Variants in OSBPL3 observed in about 807,000 individuals in gnomAD.
OSBPL3 encodes the protein oxysterol-binding protein-related protein 3.
Under a neutral mutation model 120.1 loss-of-function variants are expected in OSBPL3, and 65 were observed. The observed-to-expected ratio is 0.54, with a 90% CI of 0.44 to 0.67. The LOEUF is 0.67. Among genes scored for constraint, OSBPL3 ranks in the 30% least tolerant of loss-of-function variants. OSBPL3 has a pLI of 0.00. For missense variants in OSBPL3, 1,004 were observed against 1,082.1 expected (o/e 0.93, Z 1.01); for synonymous variants, 416 against 402.6 (o/e 1.03, Z -0.40).
chr7:24,963,752 C>T (rs1045616395), intron 1 of OSBPL3, among the ~76,000 whole-genome samples: 7 of 152,192 alleles, frequency 4.6e-5, no homozygotes, highest in Non-Finnish European at 8.8e-5. Flanking sequence ...TGTCTATTTT[C>T]TTATCTTTAA....
In OSBPL3 at chr7:24,877,976, GCTT is replaced by G. The variant is rs113074915; in HGVS notation, c.97-5910_97-5908del. Among the ~76,000 whole-genome samples the G allele has an allele frequency of 2.4e-3, 370 of 152,280 alleles. No homozygotes were observed. Among genetic ancestry groups the G allele is most frequent in the African/African-American group, 8.6e-3 (357 of 41,554 alleles). ...AACATGGGAGGGGTTGGGGGATGTG[GCTT>G]CTTAAGGTTTTTGCATGAGTTTCAC... On this transcript the variant is annotated intron_variant, in intron 2 of 22. Coordinates refer to ENST00000313367, the MANE Select transcript of OSBPL3 (RefSeq NM_015550.4). The surrounding 1 kb of genome is among the most constrained non-coding windows in gnomAD (Gnocchi z 4.8).
chr7:24,840,769 G>C lies in OSBPL3; in HGVS notation c.1416C>G (p.Asp472Glu). 1 of 1,414,358 alleles carries C rather than the reference G, an allele frequency of 7.1e-7. No individual in the cohort carries two copies. The highest frequency in any genetic ancestry group is 9.8e-7 in the Non-Finnish European group (1 of 1,023,280). 87.6% of individuals were successfully genotyped at this position (1,414,358 alleles called of 1,614,324 possible). A position where few individuals can be genotyped will look rare whatever the true frequency, so the allele number is the denominator to read the frequency against. ...SSSENEISDD[D>E]SYVSDISDNL... is the part of the protein sequence containing the mutation. ...TATCACTTATGTCACTGACATATGA[G>C]TCATCATCAGAAATCTATGGGAAAG... The change falls in exon 14 of 23, where the codon GAC (aspartate) becomes GAG (glutamate). Residue 472 changes from aspartate to glutamate, a missense_variant. Asp to Glu is a conservative substitution (Grantham distance 45). Coordinates refer to ENST00000313367, the MANE Select transcript of OSBPL3 (RefSeq NM_015550.4).
At position 24,824,311 on chromosome 7, in the gene OSBPL3, T is replaced by G. The variant is rs1223960353; in HGVS notation, c.1885-4073A>C. On this transcript the variant is annotated intron_variant, in intron 16 of 22. Transcript: ENST00000313367. The surrounding 1 kb of genome is among the most constrained non-coding windows in gnomAD (Gnocchi z 4.9). ...CCTTTCTTTACCTTGACCTAATCAT[T>G]TTTAATTTATGCTTTGAATGCACTT... Among the ~76,000 whole-genome samples, 1 of 152,228 alleles carries G rather than the reference T, an allele frequency of 6.6e-6. No individual in the cohort carries two copies. The highest frequency in any genetic ancestry group is 2.4e-5 in the African/African-American group (1 of 41,454).
intron 17 of OSBPL3, 106 bp from the exon 18 acceptor site, chr7:24,816,794 C>A: frequency 1.3e-6 from 1 of 745,522 alleles, no homozygotes; most frequent in South Asian, 1.6e-5. Context: ...AACCTCTTCA[C>A]AATCAAGTCA....
chr7:24,948,685 G>C (rs910799596), intron 1 of OSBPL3, among the ~76,000 whole-genome samples: 1 of 152,008 alleles, frequency 6.6e-6, no homozygotes, highest in Admixed American at 6.5e-5. Flanking sequence ...TCTTTACTTG[G>C]TATTTGTCTA....
In OSBPL3 at chr7:24,911,848, AAG is replaced by A. The variant is rs1808869618; in HGVS notation, c.-149-19229_-149-19228del. 2.0e-5 allele frequency among the ~76,000 whole-genome samples: 3 copies of A among 152,346 alleles called. No individual in the cohort carries two copies. In the South Asian group the frequency reaches 6.2e-4, roughly 32 times the overall value. On this transcript the variant is annotated intron_variant, in intron 1 of 22. Coordinates refer to ENST00000313367, the MANE Select transcript of OSBPL3 (RefSeq NM_015550.4). ...TTTTAAACTAGTGCAAACTGGAAAA[AAG>A]AGAGACATAAAAGGAAAAGGCAGAG...
In OSBPL3 at chr7:24,896,123, A is replaced by G. The variant is rs1284698202; in HGVS notation, c.-149-3502T>C. The stretch of plus-strand genomic sequence containing the variant: ...ACAGGTTTTATGGCTACTTTGGTGC[A>G]TTCTGCCTAATGTCAGTGTTTGATG... On this transcript the variant is annotated intron_variant, in intron 1 of 22. Coordinates refer to ENST00000313367, the MANE Select transcript of OSBPL3 (RefSeq NM_015550.4). This position sits in a 1 kb window ranked among gnomAD's most constrained non-coding sequence, Gnocchi z 4.4. Among the ~76,000 whole-genome samples, 1 of 152,210 alleles carries G rather than the reference A, an allele frequency of 6.6e-6. No individual in the cohort carries two copies. The highest frequency in any genetic ancestry group is 1.5e-5 in the Non-Finnish European group (1 of 68,036).
rs1477107692 is a variant in OSBPL3 at position 24,936,995 on chromosome 7, C to G, written c.-150+42891G>C. 6.6e-6 allele frequency among the ~76,000 whole-genome samples: 1 copy of G among 152,130 alleles called. No individual in the cohort carries two copies. The highest frequency in any genetic ancestry group is 1.5e-5 in the Non-Finnish European group (1 of 68,024). The stretch of plus-strand genomic sequence containing the variant: ...GATACTGTATTAGTCCATTCTTGTG[C>G]TGCTAATAAAGACATACCCAAGACT... On this transcript the variant is annotated intron_variant, in intron 1 of 22. Coordinates refer to ENST00000313367, the MANE Select transcript of OSBPL3 (RefSeq NM_015550.4). This position sits in a 1 kb window ranked among gnomAD's most constrained non-coding sequence, Gnocchi z 4.2.
In OSBPL3 at chr7:24,939,681, C is replaced by T. The variant is rs895831662; in HGVS notation, c.-150+40205G>A. ...ATTTGGGTTTTCCATTACTTGCAGC[C>T]AAAATCACCCTAATAGTCAACAGTA... On this transcript the variant is annotated intron_variant, in intron 1 of 22. Coordinates refer to ENST00000313367, the MANE Select transcript of OSBPL3 (RefSeq NM_015550.4). This position sits in a 1 kb window ranked among gnomAD's most constrained non-coding sequence, Gnocchi z 4.2. Among the ~76,000 whole-genome samples the T allele has an allele frequency of 1.3e-5, 2 of 152,082 alleles. No individual in the cohort carries two copies. Among genetic ancestry groups the T allele is most frequent in the African/African-American group, 2.4e-5 (1 of 41,404 alleles).
At chr7:24,838,102 C>G (rs1797239566) in intron 14 of OSBPL3, among the ~76,000 whole-genome samples, 1 of 152,164 alleles carries the variant, frequency 6.6e-6, no homozygotes, top group African/African-American at 2.4e-5. Context: ...TAATCTCCCC[C>G]AACCCCTGGG....
In OSBPL3 at chr7:24,968,073, AG is replaced by A. The variant is rs1209295745; in HGVS notation, c.-150+11812del. 6.6e-6 allele frequency among the ~76,000 whole-genome samples: 1 copy of A among 152,250 alleles called. No individual in the cohort carries two copies. The highest frequency in any genetic ancestry group is 1.5e-5 in the Non-Finnish European group (1 of 68,048). ...ACATTTACTTGGAATAATATTCAAA[AG>A]GTATAATTTCAACTTCACACCTATC... On this transcript the variant is annotated intron_variant, in intron 1 of 22. Coordinates refer to ENST00000313367, the MANE Select transcript of OSBPL3 (RefSeq NM_015550.4). This position sits in a 1 kb window ranked among gnomAD's most constrained non-coding sequence, Gnocchi z 4.6.
chr7:24,927,270 T>C (rs1213871939), intron 1 of OSBPL3, among the ~76,000 whole-genome samples: 1 of 152,234 alleles, frequency 6.6e-6, no homozygotes, highest in Non-Finnish European at 1.5e-5. Context: ...TTTAGAGTTT[T>C]CTGAATAGCA....
Position 24,827,942 on chromosome 7 carries a change from T to C in OSBPL3, c.1884+2826A>G, listed in dbSNP as rs1034197590. Among the ~76,000 whole-genome samples, 13 of 152,360 alleles carry C rather than the reference T, an allele frequency of 8.5e-5. 1 individual carries two copies. Among genetic ancestry groups the C allele is most frequent in the Admixed American group, 7.2e-4 (11 of 15,304 alleles). ...TTATTTGAACATAAGAAAGTATATA[T>C]TATAGATATATGCCTTTCTAGTTTT... On this transcript the variant is annotated intron_variant, in intron 16 of 22. Coordinates refer to ENST00000313367, the MANE Select transcript of OSBPL3 (RefSeq NM_015550.4). The surrounding 1 kb of genome is among the most constrained non-coding windows in gnomAD (Gnocchi z 5.1).
chr7:24,950,905 T>C (rs920885618), intron 1 of OSBPL3, among the ~76,000 whole-genome samples: 2 of 152,048 alleles, frequency 1.3e-5, no homozygotes, highest in Non-Finnish European at 2.9e-5. Context: ...AGAAGTCTGT[T>C]ACAAAATCAG....
rs186830713 is a variant in OSBPL3, at chr7:24,834,188, A to G, written c.1746+298T>C. Reference sequence around the variant, plus strand: ...AAAGACATGTTTTCCAGCCGGGCACATCGGAACAATCAGCCAGAAGGCTTC... The same window carrying G: ...AAAGACATGTTTTCCAGCCGGGCACGTCGGAACAATCAGCCAGAAGGCTTC... On this transcript the variant is annotated intron_variant, in intron 15 of 22. Coordinates refer to ENST00000313367, the MANE Select transcript of OSBPL3 (RefSeq NM_015550.4). This position sits in a 1 kb window ranked among gnomAD's most constrained non-coding sequence, Gnocchi z 5.2. 4 of 1,106,564 alleles carry G rather than the reference A, an allele frequency of 3.6e-6. No homozygotes were observed. Among genetic ancestry groups the G allele is most frequent in the East Asian group, 6.4e-5 (1 of 15,722 alleles). 68.5% of individuals were successfully genotyped at this position (1,106,564 alleles called of 1,614,324 possible).
chr7:24,906,754 C>T (rs142846218), intron 1 of OSBPL3, among the ~76,000 whole-genome samples: 74 of 152,332 alleles, frequency 4.9e-4, no homozygotes, highest in Admixed American at 1.4e-3. Flanking sequence ...GTGTTGCTTA[C>T]TGTCTCCTTT....
rs913445514 is a variant in OSBPL3 at position 24,980,146 on chromosome 7, G to C, written c.-410C>G. ...CGGCTGGCGGGCGCCACCAGCACGC[G>C]GCCAGTTCTGAGTACTTTGCCCAGA... is the stretch of plus-strand genomic sequence containing the variant. On this transcript the variant is annotated 5_prime_UTR_variant, in exon 1 of 23. Coordinates refer to ENST00000313367, the MANE Select transcript of OSBPL3 (RefSeq NM_015550.4). 1.5e-6 allele frequency: 1 copy of C among 647,180 alleles called. No individual in the cohort carries two copies. The highest frequency in any genetic ancestry group is 1.4e-4 in the East Asian group (1 of 7,228). 40.1% of individuals were successfully genotyped at this position (647,180 alleles called of 1,614,324 possible).
intron 1 of OSBPL3, among the ~76,000 whole-genome samples, chr7:24,905,942 G>C (rs1286971353): frequency 6.6e-6 from 1 of 151,938 alleles, no homozygotes; most frequent in East Asian, 1.9e-4. Context: ...TGAGGCAGGA[G>C]AATTGCTTGA....
chr7:24,903,965 C>T (rs1050933972), intron 1 of OSBPL3, among the ~76,000 whole-genome samples: 1 of 150,288 alleles, frequency 6.7e-6, no homozygotes, highest in Non-Finnish European at 1.5e-5. Context: ...TCACTGCAAC[C>T]TCTGCCTCCC....
Sources: gnomAD v4.1 joint callset for allele counts (sites outside exome capture counted in the v4.1 genomes callset) on GRCh38, gnomAD v4.1.1 for gene constraint, Gnocchi (gnomAD v3.1) non-coding constraint, MANE v1.5 for transcripts, NCBI Gene and HGNC (gene_info 2026-07-23, HGNC 2026-07-21) for gene names.